UBR3: variants seen among roughly 807,000 people sequenced by gnomAD.
UBR3 encodes the protein E3 ubiquitin-protein ligase UBR3.
Under a neutral mutation model 243.2 loss-of-function variants are expected in UBR3, and 85 were observed. The observed-to-expected ratio is 0.35, with a 90% CI of 0.29 to 0.42. UBR3 has a LOEUF of 0.42. Ranked by LOEUF, UBR3 falls within the 10% of genes least tolerant of loss-of-function variation. The probability of loss-of-function intolerance (pLI) is 1.00; values close to 1 mark genes in which losing one functional copy is unlikely to be tolerated. For missense variants in UBR3, 1,686 were observed against 2,300.8 expected, an observed-to-expected ratio of 0.73 and a Z score of 5.47; for synonymous variants, 748 against 799.8, an observed-to-expected ratio of 0.94 and a Z score of 1.09.
intron 1 of UBR3, among the ~76,000 whole-genome samples, chr2:169,869,216 G>GTTTTTTTTTTTTTTTTTTTTTTTTTTT (rs11344991): frequency 3.6e-5 from 2 of 56,198 alleles, no homozygotes; most frequent in Non-Finnish European, 6.4e-5. Context: ...GATTGATAAG[G>GTTTTTTTTTTTTTTTTTTTTTTTTTTT]TTTTTTTTTT....
At chr2:170,016,907 G>T (rs780098765) in intron 30 of UBR3, 7 of 782,828 alleles carry the variant, frequency 8.9e-6, no homozygotes, top group African/African-American at 3.8e-5. Flanking sequence ...TCATGATAAA[G>T]TTTATCCTAA....
chr2:169,984,621 A>G (rs1244569295), intron 24 of UBR3, among the ~76,000 whole-genome samples: 3 of 152,196 alleles, frequency 2.0e-5, no homozygotes, highest in Non-Finnish European at 4.4e-5. Context: ...ATTTGGACAC[A>G]GATCCTTTTT....
chr2:169,916,305 T>A (rs1026397913), intron 11 of UBR3, among the ~76,000 whole-genome samples: 7 of 152,208 alleles, frequency 4.6e-5, no homozygotes, highest in African/African-American at 1.2e-4. Context: ...ATCTTTAATA[T>A]ATTTACTTAT....
intron 35 of UBR3, among the ~76,000 whole-genome samples, chr2:170,071,475 T>A (rs774985839): frequency 6.6e-5 from 10 of 152,272 alleles, no homozygotes; most frequent in Non-Finnish European, 7.4e-5. Context: ...ATTGGCTGCA[T>A]AGGAACATAA....
intron 29 of UBR3, among the ~76,000 whole-genome samples, chr2:170,012,636 T>C (rs2090118455): frequency 6.6e-6 from 1 of 151,966 alleles, no homozygotes; most frequent in Non-Finnish European, 1.5e-5. Flanking sequence ...GAATTGCCTC[T>C]TGTATAATAT....
At chr2:169,857,088 T>TTTTTTTTTTTTAGGTGTG in intron 1 of UBR3, among the ~76,000 whole-genome samples, 1 of 122,480 alleles carries the variant, frequency 8.2e-6, no homozygotes, top group South Asian at 2.7e-4. Context: ...TTTTTTTTTT[T>TTTTTTTTTTTTAGGTGTG]TTTGAGACGG....
intron 8 of UBR3, among the ~76,000 whole-genome samples, chr2:169,903,983 G>A (rs1264609080): frequency 6.6e-6 from 1 of 151,978 alleles, no homozygotes; most frequent in Non-Finnish European, 1.5e-5. Context: ...TGGAGTTCTC[G>A]CTCATCTTTT....
chr2:169,882,658 T>C (rs953216198), intron 5 of UBR3, among the ~76,000 whole-genome samples: 4 of 151,460 alleles, frequency 2.6e-5, no homozygotes, highest in Non-Finnish European at 5.9e-5. Context: ...GGAGAACCCC[T>C]TGAACCTGGA....
At chr2:169,829,493 G>A (rs1454304348) in intron 1 of UBR3, among the ~76,000 whole-genome samples, 4 of 144,630 alleles carry the variant, frequency 2.8e-5, no homozygotes, top group Non-Finnish European at 6.0e-5. Context: ...GCGCGACCTC[G>A]GCTCACTGAA....
chr2:169,894,146 C>A lies in UBR3; in HGVS notation c.1106-1035C>A, dbSNP rs376683485. ...TGTAGCCTGGACAACACAGCAAGACCATGTCTCTTCAAAAAATAAAAAATA... is the reference window on the plus strand; with the variant it reads ...TGTAGCCTGGACAACACAGCAAGACAATGTCTCTTCAAAAAATAAAAAATA... On this transcript the variant is annotated intron_variant, in intron 6 of 38. Coordinates refer to ENST00000272793, the MANE Select transcript of UBR3 (RefSeq NM_172070.4). Among the ~76,000 whole-genome samples, 29 of 151,294 alleles carry A rather than the reference C, an allele frequency of 1.9e-4. No individual in the cohort carries two copies. The East Asian group carries it at 4.1e-3, about 21-fold the overall frequency.
At chr2:170,007,786 C>T (rs1375799009) in intron 28 of UBR3, among the ~76,000 whole-genome samples, 1 of 152,098 alleles carries the variant, frequency 6.6e-6, no homozygotes, top group Non-Finnish European at 1.5e-5. Context: ...ATTGCTTAAA[C>T]CCAGGAGCCG....
At chr2:169,975,776 G>T (rs2088406783) in intron 24 of UBR3, among the ~76,000 whole-genome samples, 1 of 151,978 alleles carries the variant, frequency 6.6e-6, no homozygotes, top group African/African-American at 2.4e-5. Flanking sequence ...TTGTATCTGG[G>T]CAAGAGAGCA....
At chr2:169,940,561 T>A (rs923233698) in intron 19 of UBR3, among the ~76,000 whole-genome samples, 1 of 152,260 alleles carries the variant, frequency 6.6e-6, no homozygotes, top group African/African-American at 2.4e-5. Flanking sequence ...GTTAAAATTA[T>A]GTGTATTCAC....
intron 21 of UBR3, 145 bp downstream of exon 21, chr2:169,946,537 T>C: frequency 2.5e-6 from 1 of 396,746 alleles, no homozygotes. Flanking sequence ...TTGAGGTGTA[T>C]TTATGTTTTC....
Position 169,827,927 on chromosome 2 carries a change from C to G in UBR3, c.420C>G (p.Pro140=). ...AYRCRTCGIS[P]CMSLCAECFH... is the part of the protein sequence containing the mutation. Reference sequence around the variant, plus strand: ...GCTGCCGGACGTGCGGCATCTCGCCCTGCATGTCGCTGTGCGCCGAGTGCT... The same window carrying G: ...GCTGCCGGACGTGCGGCATCTCGCCGTGCATGTCGCTGTGCGCCGAGTGCT... Residue 140 remains proline (P), a synonymous_variant, in exon 1 of 39, where the codon CCC becomes CCG. Transcript: ENST00000272793. The G allele has an allele frequency of 6.7e-7, 1 of 1,492,072 alleles. No individual in the cohort carries two copies. Among genetic ancestry groups the G allele is most frequent in the Non-Finnish European group, 8.9e-7 (1 of 1,121,162 alleles). 92.4% of individuals were successfully genotyped at this position (1,492,072 alleles called of 1,614,324 possible). A position where few individuals can be genotyped will look rare whatever the true frequency, so the allele number is the denominator to read the frequency against.
intron 24 of UBR3, among the ~76,000 whole-genome samples, chr2:169,977,023 T>G (rs1201626945): frequency 6.6e-6 from 1 of 152,124 alleles, no homozygotes; most frequent in Non-Finnish European, 1.5e-5. Context: ...TTTTTTTGTT[T>G]GATTTATTCA....
chr2:170,004,709 G>A (rs11685459), intron 27 of UBR3, among the ~76,000 whole-genome samples: 7 of 152,006 alleles, frequency 4.6e-5, no homozygotes, highest in African/African-American at 1.7e-4. Flanking sequence ...TCAGGAGTTC[G>A]AGACCAGCCT....
intron 7 of UBR3, among the ~76,000 whole-genome samples, chr2:169,895,896 A>G (rs992793656): frequency 6.6e-6 from 1 of 152,146 alleles, no homozygotes; most frequent in Non-Finnish European, 1.5e-5. Flanking sequence ...TGTTATTTTT[A>G]TGGTGTAGGT....
At chr2:169,845,233 G>A (rs2082425947) in intron 1 of UBR3, among the ~76,000 whole-genome samples, 1 of 151,826 alleles carries the variant, frequency 6.6e-6, no homozygotes, top group Non-Finnish European at 1.5e-5. Flanking sequence ...GACCAGCCTG[G>A]GCAACATGTT....
Sources: gnomAD v4.1 joint callset for allele counts (sites outside exome capture counted in the v4.1 genomes callset) on GRCh38, gnomAD v4.1.1 for gene constraint, MANE v1.5 for transcripts, NCBI Gene and HGNC (gene_info 2026-07-23, HGNC 2026-07-21) for gene names.